Variants in GRM8 observed in about 807,000 individuals in gnomAD.
The protein encoded by GRM8 is metabotropic glutamate receptor 8.
Under a neutral mutation model 87.2 loss-of-function variants are expected in GRM8, and 47 were observed. The ratio of observed to expected loss-of-function variants is 0.54; its 90% confidence interval spans 0.43 to 0.69. The LOEUF is 0.69. Among genes scored for constraint, GRM8 ranks in the 30% least tolerant of loss-of-function variants. The probability of loss-of-function intolerance (pLI) is 0.00; values close to 1 mark genes in which losing one functional copy is unlikely to be tolerated. For missense variants in GRM8, 1,019 were observed against 1,139.2 expected, an observed-to-expected ratio of 0.89 and a Z score of 1.52; for synonymous variants, 396 against 404.5, an observed-to-expected ratio of 0.98 and a Z score of 0.25.
intron 3 of GRM8, among the ~76,000 whole-genome samples, chr7:126,970,315 C>T (rs552651186): frequency 2.0e-4 from 31 of 152,328 alleles, no homozygotes; most frequent in Admixed American, 1.8e-3. Context: ...ACATTGAAAA[C>T]CTCTTGTTTA....
intron 7 of GRM8, among the ~76,000 whole-genome samples, chr7:126,610,027 G>A (rs147478255): frequency 6.6e-6 from 1 of 152,254 alleles, no homozygotes; most frequent in East Asian, 1.9e-4. Flanking sequence ...TCTACTGTTG[G>A]GAACCTCTCA....
In GRM8 at chr7:126,901,628, C is replaced by T. The variant is rs567059719; in HGVS notation, c.1156+914G>A. The stretch of plus-strand genomic sequence containing the variant: ...CATCTTTTATTTGAACAGCTATTTC[C>T]AAAGAAAGTGAGGAGGAGGGAAAGG... On this transcript the variant is annotated intron_variant, in intron 6 of 10. Transcript: ENST00000339582. Among the ~76,000 whole-genome samples, 5 of 152,116 alleles carry T rather than the reference C, an allele frequency of 3.3e-5. No individual in the cohort carries two copies. The East Asian group carries it at 9.7e-4, about 29-fold the overall frequency.
At chr7:126,563,183 C>T (rs528889264) in intron 8 of GRM8, among the ~76,000 whole-genome samples, 4 of 152,184 alleles carry the variant, frequency 2.6e-5, no homozygotes, top group African/African-American at 9.6e-5. Context: ...TAACATTCTA[C>T]CCCTCGGTGA....
chr7:127,132,610 C>T (rs1057311479), intron 2 of GRM8, among the ~76,000 whole-genome samples: 2 of 152,002 alleles, frequency 1.3e-5, no homozygotes, highest in Non-Finnish European at 2.9e-5. Flanking sequence ...GGAGGAATCT[C>T]ACTTTATTTG....
chr7:127,223,090 C>T lies in GRM8; in HGVS notation c.510+19605G>A, dbSNP rs148108835. ...GAAGGCAGAGTAAATGTTCTCTTCC[C>T]TGTTTCTCCCATAAGTCTAGCTAAA... On this transcript the variant is annotated intron_variant, in intron 2 of 10. Transcript: ENST00000339582. Among the ~76,000 whole-genome samples, 741 of 152,266 alleles carry T rather than the reference C, an allele frequency of 4.9e-3. 5 individuals carry two copies. The highest frequency in any genetic ancestry group is 0.015 in the African/African-American group (638 of 41,546).
At chr7:126,992,531 A>T (rs1263176129) in intron 3 of GRM8, among the ~76,000 whole-genome samples, 1 of 152,222 alleles carries the variant, frequency 6.6e-6, no homozygotes, top group Non-Finnish European at 1.5e-5. Flanking sequence ...AAAACTAAGG[A>T]TTAAATCTAA....
At chr7:126,443,807 T>C (rs1322297228) in intron 10 of GRM8, among the ~76,000 whole-genome samples, 1 of 152,010 alleles carries the variant, frequency 6.6e-6, no homozygotes, top group Non-Finnish European at 1.5e-5. Flanking sequence ...GGCTATATAA[T>C]TTCCATTTCA....
intron 3 of GRM8, among the ~76,000 whole-genome samples, chr7:126,940,292 C>T (rs145027983): frequency 1.4e-3 from 207 of 152,280 alleles, no homozygotes; most frequent in African/African-American, 4.8e-3. Context: ...CTGGCTAATG[C>T]ATTTACAGTG....
chr7:126,527,374 A>G (rs1814025132), intron 9 of GRM8, among the ~76,000 whole-genome samples: 1 of 152,200 alleles, frequency 6.6e-6, no homozygotes, highest in African/African-American at 2.4e-5. Context: ...AAAAGAAAAG[A>G]AAAGAAAATG....
chr7:126,555,102 A>G (rs1256716563), intron 8 of GRM8, among the ~76,000 whole-genome samples: 1 of 150,968 alleles, frequency 6.6e-6, no homozygotes, highest in Non-Finnish European at 1.5e-5. Flanking sequence ...AAGAACATAA[A>G]TAAAATTATT....
intron 7 of GRM8, among the ~76,000 whole-genome samples, chr7:126,675,214 A>T (rs1806827070): frequency 6.6e-6 from 1 of 152,152 alleles, no homozygotes; most frequent in Non-Finnish European, 1.5e-5. Flanking sequence ...ACAGACCAAT[A>T]ACACACAGCG....
At chr7:126,886,526 A>G (rs1800516360) in intron 6 of GRM8, among the ~76,000 whole-genome samples, 1 of 152,170 alleles carries the variant, frequency 6.6e-6, no homozygotes. Context: ...GATGCCAAGA[A>G]GACAAAAGAA....
chr7:126,614,413 C>T (rs1343147060), intron 7 of GRM8, among the ~76,000 whole-genome samples: 1 of 152,082 alleles, frequency 6.6e-6, no homozygotes, highest in Non-Finnish European at 1.5e-5. Context: ...AGATAAAAAC[C>T]ACAAAGATGG....
At chr7:126,837,862 T>A (rs1795944448) in intron 6 of GRM8, among the ~76,000 whole-genome samples, 1 of 152,226 alleles carries the variant, frequency 6.6e-6, no homozygotes, top group Non-Finnish European at 1.5e-5. Flanking sequence ...GGTGATGAAC[T>A]ATTGAGCATC....
chr7:126,533,222 G>A lies in GRM8; in HGVS notation c.2160C>T (p.His720=). 2.5e-6 allele frequency: 4 copies of A among 1,613,372 alleles called. No homozygotes were observed. The highest frequency in any genetic ancestry group is 2.7e-5 in the African/African-American group (2 of 74,856). ...VFVWFVVDPP[H]IIIDYGEQRT... is the part of the protein sequence containing the mutation. ...GCTGCTCTCCATAGTCAATGATGAT[G>A]TGGGGGGGATCCACAACAAACCAGA... The change falls in exon 9 of 11, where the codon CAC becomes CAT. Residue 720 remains histidine (H), a synonymous_variant. Coordinates refer to ENST00000339582, the MANE Select transcript of GRM8 (RefSeq NM_000845.3).
chr7:126,671,763 G>A (rs549613911), intron 7 of GRM8, among the ~76,000 whole-genome samples: 7 of 152,156 alleles, frequency 4.6e-5, no homozygotes, highest in Non-Finnish European at 5.9e-5. Context: ...TAAGACCAAC[G>A]TAGCTAACCA....
chr7:127,002,637 T>C (rs1813846237), intron 3 of GRM8, among the ~76,000 whole-genome samples: 1 of 151,660 alleles, frequency 6.6e-6, no homozygotes, highest in African/African-American at 2.4e-5. Flanking sequence ...TGTGCATTTT[T>C]GTTACTGCCA....
rs575239943 is a variant in GRM8 at position 126,562,364 on chromosome 7, T to C, written c.1495-28477A>G. 2.6e-5 allele frequency among the ~76,000 whole-genome samples: 4 copies of C among 152,302 alleles called. No individual in the cohort carries two copies. In the South Asian group the frequency reaches 6.2e-4, roughly 24 times the overall value. Reference sequence around the variant, plus strand: ...TACACTCCCAGTTTATTTCAAACTGTTTGGTATGGGTAACAGAATGGCTGG... The same window carrying C: ...TACACTCCCAGTTTATTTCAAACTGCTTGGTATGGGTAACAGAATGGCTGG... On this transcript the variant is annotated intron_variant, in intron 8 of 10. Transcript: ENST00000339582.
chr7:126,865,641 G>T (rs941903723), intron 6 of GRM8, among the ~76,000 whole-genome samples: 1 of 152,106 alleles, frequency 6.6e-6, no homozygotes, highest in African/African-American at 2.4e-5. Context: ...CCTCTTTATA[G>T]ATGCACCCAT....
Sources: gnomAD v4.1 joint callset for allele counts (sites outside exome capture counted in the v4.1 genomes callset) on GRCh38, gnomAD v4.1.1 for gene constraint, MANE v1.5 for transcripts, NCBI Gene and HGNC (gene_info 2026-07-23, HGNC 2026-07-21) for gene names.